Variants in NWD1 observed in about 807,000 individuals in gnomAD.
NWD1 encodes NACHT domain- and WD repeat-containing protein 1.
Under a neutral mutation model 135.1 loss-of-function variants are expected in NWD1, and 129 were observed. The observed-to-expected ratio is 0.96, with a 90% CI of 0.83 to 1.11. The LOEUF (loss-of-function observed/expected upper bound fraction) is 1.11. Among genes scored for constraint, NWD1 ranks in the 50% least tolerant of loss-of-function variants. The probability of loss-of-function intolerance (pLI) is 0.00; values close to 1 mark genes in which losing one functional copy is unlikely to be tolerated. For missense variants in NWD1, 1,740 were observed against 1,851.3 expected (o/e 0.94, Z 1.10); for synonymous variants, 773 against 786.0 (o/e 0.98, Z 0.28).
chr19:16,756,208 C>G (rs1274989957), intron 6 of NWD1, among the ~76,000 whole-genome samples: 1 of 152,040 alleles, frequency 6.6e-6, no homozygotes, highest in Non-Finnish European at 1.5e-5. Flanking sequence ...GCCTAGATCA[C>G]GCCATTGCAC....
intron 18 of NWD1, among the ~76,000 whole-genome samples, chr19:16,811,910 G>A (rs983815714): frequency 6.6e-6 from 1 of 152,110 alleles, no homozygotes; most frequent in Admixed American, 6.6e-5. Flanking sequence ...CAGCTACCTG[G>A]AAGGCTGAGG....
chr19:16,778,563 CA>C (rs1325585350), intron 11 of NWD1, among the ~76,000 whole-genome samples: 48 of 148,764 alleles, frequency 3.2e-4, no homozygotes, highest in Admixed American at 6.7e-5. Flanking sequence ...GGTTGGAGTG[CA>C]GTGGTGTGAT....
intron 6 of NWD1, among the ~76,000 whole-genome samples, chr19:16,753,255 G>A (rs1968649164): frequency 6.6e-6 from 1 of 152,276 alleles, no homozygotes; most frequent in African/African-American, 2.4e-5. Context: ...TCTGTGACCA[G>A]GTGCCATCTT....
intron 4 of NWD1, chr19:16,738,175 A>G: frequency 2.2e-6 from 1 of 449,740 alleles, no homozygotes; most frequent in Non-Finnish European, 4.5e-6. Flanking sequence ...GTTCTGACAG[A>G]GACCATCTGG....
chr19:16,753,236 G>A (rs893021693), intron 6 of NWD1, among the ~76,000 whole-genome samples: 6 of 152,164 alleles, frequency 3.9e-5, no homozygotes, highest in Non-Finnish European at 8.8e-5. Context: ...GGCATCAGGA[G>A]CCCATATTTC....
intron 1 of NWD1, among the ~76,000 whole-genome samples, chr19:16,723,848 G>A (rs994686725): frequency 2.6e-5 from 4 of 151,954 alleles, no homozygotes; most frequent in South Asian, 2.1e-4. Context: ...GACGTGCACC[G>A]TCATGCCCGG....
chr19:16,789,716 C>CTTTTTTTTTTTTTTTTTT (rs11383216), intron 13 of NWD1, among the ~76,000 whole-genome samples: 1 of 119,578 alleles, frequency 8.4e-6, no homozygotes, highest in Non-Finnish European at 1.7e-5. Flanking sequence ...TCCTCTCTCT[C>CTTTTTTTTTTTTTTTTTT]TTTTTTTTTT....
intron 1 of NWD1, among the ~76,000 whole-genome samples, chr19:16,722,970 C>T (rs1967192722): frequency 6.6e-6 from 1 of 152,076 alleles, no homozygotes; most frequent in Non-Finnish European, 1.5e-5. Context: ...AAGTGCTGGC[C>T]ATACAACTTC....
chr19:16,773,208 C>A lies in NWD1; in HGVS notation c.2493C>A (p.Cys831Ter). The A allele has an allele frequency of 6.2e-7, 1 of 1,613,796 alleles. No individual in the cohort carries two copies. Among genetic ancestry groups the A allele is most frequent in the Non-Finnish European group, 8.5e-7 (1 of 1,179,946 alleles). The stretch of plus-strand genomic sequence containing the variant: ...ATCCAGCACTGGTGGGACAGCTATG[C>A]CAACAGGCCCAGAGCTGGTTCCAGT... ...TSHPALVGQL[C>*]QQAQSWFQLC... Residue 831 changes from cysteine (C) to a stop codon, truncating the protein, a stop_gained, in exon 11 of 19, where the codon TGC (cysteine) becomes TGA (stop). Coordinates refer to ENST00000524140, the MANE Select transcript of NWD1 (RefSeq NM_001007525.5). LOFTEE classifies it high-confidence loss of function.
At chr19:16,751,224 CA>C (rs11307357) in intron 6 of NWD1, among the ~76,000 whole-genome samples, 42,510 of 114,090 alleles carry the variant, frequency 0.37, 6,336 homozygotes, top group Middle Eastern at 0.59. Context: ...AACTCGATCT[CA>C]AAAAAAAAAA....
intron 3 of NWD1, among the ~76,000 whole-genome samples, chr19:16,731,499 G>T (rs1441841915): frequency 6.6e-6 from 1 of 150,658 alleles, no homozygotes; most frequent in Non-Finnish European, 1.5e-5. Context: ...TAGAGACGGG[G>T]TTTCACCATG....
rs1004663973 is a variant in NWD1 at position 16,816,582 on chromosome 19, CA to C, written c.*1546del. On this transcript the variant is annotated 3_prime_UTR_variant, in exon 19 of 19. Transcript: ENST00000524140. ...GTCTGCCTTGTGCAAGTTCAACAGT[CA>C]AACTGTTTTCATTCCACTTAAGTGG... 5.3e-5 allele frequency: 8 copies of C among 152,244 alleles called. No individual in the cohort carries two copies. Among genetic ancestry groups the C allele is most frequent in the Non-Finnish European group, 8.8e-5 (6 of 68,046 alleles). 9.4% of individuals were successfully genotyped at this position (152,244 alleles called of 1,614,324 possible).
At chr19:16,750,947 C>T (rs1387812242) in intron 6 of NWD1, among the ~76,000 whole-genome samples, 4 of 152,134 alleles carry the variant, frequency 2.6e-5, no homozygotes, top group East Asian at 1.9e-4. Flanking sequence ...CTAGGCCAGG[C>T]GTGGTGGCTC....
rs138297508 is a variant in NWD1 at position 16,750,377 on chromosome 19, G to A, written c.1735G>A (p.Val579Met). 389 of 1,600,406 alleles carry A rather than the reference G, an allele frequency of 2.4e-4. No homozygotes were observed. The highest frequency in any genetic ancestry group is 3.4e-4 in the Middle Eastern group (2 of 5,876). ...RLEQTHGQLLVAHVLGYIVSS... is the reference protein window; with the variant it reads ...RLEQTHGQLLMAHVLGYIVSS... ...GGAGCAGACACACGGGCAGCTCCTC[G>A]TGGCCCACGTGCTGGGCTACATTGT... The change falls in exon 6 of 19, where the codon GTG (valine) becomes ATG (methionine). Residue 579 changes from valine (V) to methionine (M), a missense_variant. Physicochemically the swap from Val to Met is conservative, Grantham distance 21 (BLOSUM62 1). Coordinates refer to ENST00000524140, the MANE Select transcript of NWD1 (RefSeq NM_001007525.5).
At chr19:16,743,405 C>T (rs1968166881) in intron 4 of NWD1, among the ~76,000 whole-genome samples, 2 of 151,826 alleles carry the variant, frequency 1.3e-5, no homozygotes. Flanking sequence ...TATGGGGTCT[C>T]ACTATGTTGC....
chr19:16,739,329 CAAAA>C (rs67106916), intron 4 of NWD1, among the ~76,000 whole-genome samples: 1,801 of 78,934 alleles, frequency 0.023, 32 homozygotes, highest in African/African-American at 0.076. Flanking sequence ...CTATCTCTAC[CAAAA>C]AAAAAAAAAA....
Position 16,778,494 on chromosome 19 carries a change from C to CTTCTTTTTTTTTTTTTTTTTTTTTTTT in NWD1, c.2609-847_2609-846insCTTTTTTTTTTTTTTTTTTTTTTTTTT, listed in dbSNP as rs200410922. 3.7e-5 allele frequency among the ~76,000 whole-genome samples: 4 copies of CTTCTTTTTTTTTTTTTTTTTTTTTTTT among 107,570 alleles called. 1 individual carries two copies. The highest frequency in any genetic ancestry group is 1.4e-4 in the African/African-American group (3 of 21,038). The allele number at this position is 107,570 out of a possible 152,430, so 70.6% of individuals were successfully genotyped here. ...TCTTTTCTTTCTTCTTCTTCTTCTT[C>CTTCTTTTTTTTTTTTTTTTTTTTTTTT]TTTTTTTTTTTTTTGTTGTTGTTGT... On this transcript the variant is annotated intron_variant, in intron 11 of 18. Coordinates refer to ENST00000524140, the MANE Select transcript of NWD1 (RefSeq NM_001007525.5).
intron 4 of NWD1, among the ~76,000 whole-genome samples, chr19:16,741,409 A>C: frequency 1.5e-5 from 2 of 137,762 alleles, no homozygotes; most frequent in Admixed American, 7.8e-5. Flanking sequence ...TCTGTCGCCC[A>C]GGCTGGAGTG....
chr19:16,773,831 A>G (rs1020608701), intron 11 of NWD1, among the ~76,000 whole-genome samples: 1 of 151,628 alleles, frequency 6.6e-6, no homozygotes, highest in Admixed American at 6.6e-5. Flanking sequence ...CTTCCATCCA[A>G]TTACCCTCCC....
Sources: gnomAD v4.1 joint callset for allele counts (sites outside exome capture counted in the v4.1 genomes callset) on GRCh38, gnomAD v4.1.1 for gene constraint, MANE v1.5 for transcripts, NCBI Gene and HGNC (gene_info 2026-07-23, HGNC 2026-07-21) for gene names.